Variants in COL2A1 observed in about 807,000 individuals in gnomAD.
COL2A1 encodes the protein collagen type II alpha 1 chain, also known as collagen alpha-1(II) chain.
A neutral mutation model predicts 204.5 loss-of-function variants in COL2A1; 28 were observed. That is an observed-to-expected ratio of 0.14 (90% CI 0.10 to 0.19). The LOEUF is 0.19. COL2A1 is among the 10% of genes least tolerant of loss of function. COL2A1 has a pLI of 1.00. For missense variants in COL2A1, 1,388 were observed against 2,027.5 expected (o/e 0.68, Z 6.06); for synonymous variants, 708 against 718.7 (o/e 0.99, Z 0.24).
chr12:47,997,317 C>T (rs1279574315), intron 7 of COL2A1, among the ~76,000 whole-genome samples: 1 of 152,242 alleles, frequency 6.6e-6, no homozygotes, highest in Admixed American at 6.5e-5. Flanking sequence ...CCTCCTATCC[C>T]TTACACCCAC....
intron 35 of COL2A1, 95 bp from the exon 36 acceptor site, chr12:47,981,924 G>T (rs41263859): frequency 2.9e-6 from 4 of 1,356,996 alleles, no homozygotes; most frequent in Non-Finnish European, 4.2e-6. Context: ...TGCTCCCACC[G>T]CCTCCAGAGC....
In COL2A1 at chr12:47,987,129, G is replaced by A. The variant is rs1793934; in HGVS notation, c.1314C>T (p.Gly438=). Residue 438 remains glycine, a synonymous_variant, in exon 21 of 54, where the codon GGC becomes GGT. Coordinates refer to ENST00000380518, the MANE Select transcript of COL2A1 (RefSeq NM_001844.5). The surrounding 1 kb of genome is among the most constrained non-coding windows in gnomAD (Gnocchi z 4.1). ...CAGTTGCACCTTGAGGGCCAGGAGGGCCCCGTGGCCCAGGGAAGCCAGGAG... is the reference window on the plus strand; with the variant it reads ...CAGTTGCACCTTGAGGGCCAGGAGGACCCCGTGGCCCAGGGAAGCCAGGAG... ...AGAPGFPGPR[G]PPGPQGATGP... is the part of the protein sequence containing the mutation. 4.3e-6 allele frequency: 7 copies of A among 1,614,002 alleles called. No individual in the cohort carries two copies. The African/African-American group carries it at 8.0e-5, about 18-fold the overall frequency.
intron 15 of COL2A1, 114 bp downstream of exon 15, chr12:47,993,344 A>G (rs1939794961): frequency 3.4e-6 from 3 of 886,936 alleles, no homozygotes; most frequent in Admixed American, 1.8e-5. Flanking sequence ...TTTGCTCACA[A>G]TCAGATGAAA....
At chr12:47,984,851 AC>A (rs1565680889) in intron 27 of COL2A1, 143 bp downstream of exon 27, 1 of 797,692 alleles carries the variant, frequency 1.3e-6, no homozygotes, top group Non-Finnish European at 2.1e-6. Flanking sequence ...TCACATACAG[AC>A]CCCCACTGCC....
Position 47,994,113 on chromosome 12 carries a change from G to T in COL2A1, c.817-66C>A, listed in dbSNP as rs985384586. The stretch of plus-strand genomic sequence containing the variant: ...TAACAGTGGAAAGCTGCCCTGGGCT[G>T]CAGGAGGGCCTCCAGTTCCCTTGGG... On this transcript the variant is annotated intron_variant, in intron 12 of 53. Coordinates refer to ENST00000380518, the MANE Select transcript of COL2A1 (RefSeq NM_001844.5). The T allele has an allele frequency of 1.9e-6, 3 of 1,568,918 alleles. No homozygotes were observed. In the Admixed American group the frequency reaches 5.0e-5, roughly 26 times the overall value.
upstream of COL2A1, chr12:48,005,697 C>A (rs1940441805): frequency 6.6e-6 from 1 of 152,306 alleles, no homozygotes; most frequent in African/African-American, 2.4e-5. Context: ...CCCAAACAGA[C>A]CTTCCTTTTG....
At chr12:47,981,525 T>TA (rs748299726) in intron 36 of COL2A1, 129 bp from the exon 37 acceptor site, 67 of 936,754 alleles carry the variant, frequency 7.2e-5, no homozygotes, top group Non-Finnish European at 1.1e-4. Context: ...CAGCCTGTGT[T>TA]ACTGTGCAGC....
At position 47,985,761 on chromosome 12, in the gene COL2A1, G is replaced by T. The variant is rs1283183060; in HGVS notation, c.1647C>A (p.Gly549=). 1 of 1,613,812 alleles carries T rather than the reference G, an allele frequency of 6.2e-7. No homozygotes were observed. The highest frequency in any genetic ancestry group is 8.5e-7 in the Non-Finnish European group (1 of 1,179,926). ...AGPKGANGDP[G]RPGEPGLPGA... The stretch of plus-strand genomic sequence containing the variant: ...CAGGAAGGCCAGGTTCTCCAGGACG[G>T]CCAGGGTCACCGTTGGCTCCCTTGG... The change falls in exon 25 of 54, where the codon GGC becomes GGA. Residue 549 remains glycine, a synonymous_variant. Coordinates refer to ENST00000380518, the MANE Select transcript of COL2A1 (RefSeq NM_001844.5).
At chr12:47,983,044 C>T in intron 32 of COL2A1, 49 bp downstream of exon 32, 6 of 1,610,576 alleles carry the variant, frequency 3.7e-6, no homozygotes, top group Non-Finnish European at 5.1e-6. Flanking sequence ...AGCATAGGAC[C>T]CAGGGCAGGC....
intron 36 of COL2A1, 74 bp from the exon 37 acceptor site, chr12:47,981,470 TG>T (rs1565675936): frequency 5.1e-6 from 7 of 1,362,938 alleles, no homozygotes; most frequent in Non-Finnish European, 7.2e-6. Context: ...AAAGTGCATT[TG>T]GGGGGCCTTG....
chr12:47,983,880 C>A, intron 29 of COL2A1, 144 bp from the exon 30 acceptor site: 1 of 971,032 alleles, frequency 1.0e-6, no homozygotes, highest in Non-Finnish European at 1.6e-6. Flanking sequence ...TGCCTCCCTG[C>A]ACTCCCATCA....
intron 10 of COL2A1, 62 bp from the exon 11 acceptor site, chr12:47,995,370 C>T (rs919395040): frequency 1.4e-6 from 2 of 1,398,942 alleles, no homozygotes; most frequent in Non-Finnish European, 2.0e-6. Context: ...AAGCAATGGA[C>T]AAAACTTTGA....
upstream of COL2A1, among the ~76,000 whole-genome samples, chr12:48,004,832 G>A (rs1235612464): frequency 1.3e-5 from 2 of 152,248 alleles, no homozygotes; most frequent in African/African-American, 4.8e-5. Flanking sequence ...GGAGGGGAGG[G>A]GGTGTTTGCA....
At chr12:47,989,830 T>A (rs1158334243) in intron 16 of COL2A1, 25 bp from the exon 17 acceptor site, 3 of 1,611,688 alleles carry the variant, frequency 1.9e-6, no homozygotes, top group Non-Finnish European at 1.7e-6. Flanking sequence ...GAAGTGACCA[T>A]GAGAGGTGCC....
intron 50 of COL2A1, among the ~76,000 whole-genome samples, 157 bp downstream of exon 50, chr12:47,975,806 C>T (rs1938679018): frequency 6.6e-6 from 1 of 152,272 alleles, no homozygotes; most frequent in Non-Finnish European, 1.5e-5. Context: ...CAGCACTGAT[C>T]ATGGGCCCTG....
Position 47,976,939 on chromosome 12 carries a change from C to A in COL2A1, c.3328-20G>T, listed in dbSNP as rs73297150. On this transcript the variant is annotated intron_variant, in intron 47 of 53. Coordinates refer to ENST00000380518, the MANE Select transcript of COL2A1 (RefSeq NM_001844.5). The surrounding 1 kb of genome is among the most constrained non-coding windows in gnomAD (Gnocchi z 4.3). ...AGGACCCTGGGAACAAGACAGACAC[C>A]GATTGAGTCAGGTCAGGGCCAGGAC... 6,893 of 1,585,824 alleles carry A rather than the reference C, an allele frequency of 4.3e-3. 285 individuals are homozygous for A. In the African/African-American group the frequency reaches 0.079, roughly 18 times the overall value.
chr12:47,987,307 G>T lies in COL2A1; in HGVS notation c.1228C>A (p.Pro410Thr), dbSNP rs759573039. 2 of 1,613,948 alleles carry T rather than the reference G, an allele frequency of 1.2e-6. No homozygotes were observed. Among genetic ancestry groups the T allele is most frequent in the Non-Finnish European group, 1.7e-6 (2 of 1,180,008 alleles). Reference protein sequence around the residue: ...SPGPAGASGNPGTDGIPGAKG... With the variant: ...SPGPAGASGNTGTDGIPGAKG... Reference sequence around the variant, plus strand: ...GCTCCAGGAATTCCATCTGTTCCAGGGTTACCCTGAAAAGGGAGACATTGT... The same window carrying T: ...GCTCCAGGAATTCCATCTGTTCCAGTGTTACCCTGAAAAGGGAGACATTGT... Residue 410 changes from proline to threonine, a missense_variant, in exon 20 of 54, where the codon CCT (proline) becomes ACT (threonine). Transcript: ENST00000380518. This position sits in a 1 kb window ranked among gnomAD's most constrained non-coding sequence, Gnocchi z 4.1.
intron 14 of COL2A1, 109 bp downstream of exon 14, chr12:47,993,700 T>C: frequency 7.5e-7 from 1 of 1,332,458 alleles, no homozygotes; most frequent in Non-Finnish European, 1.1e-6. Context: ...CAGCCAAGGC[T>C]GTTCTGAGGA....
chr12:47,986,410 C>G lies in COL2A1; in HGVS notation c.1453G>C (p.Ala485Pro). The change falls in exon 23 of 54, where the codon GCT (alanine) becomes CCT (proline). Residue 485 changes from alanine (A) to proline (P), a missense_variant. Physicochemically the swap from Ala to Pro is conservative, Grantham distance 27 (BLOSUM62 -1). Transcript: ENST00000380518. ...GCACCTCTCTTGCCTTCTTCACCAG[C>G]GGGTCCAGGGGCTCCCTGGGGGCCA... The part of the protein sequence containing the change: ...PAGPQGAPGP[A>P]GEEGKRGARG... 6.4e-7 allele frequency: 1 copy of G among 1,563,044 alleles called. No homozygotes were observed. The highest frequency in any genetic ancestry group is 1.2e-5 in the South Asian group (1 of 84,922).
Sources: gnomAD v4.1 joint callset for allele counts (sites outside exome capture counted in the v4.1 genomes callset) on GRCh38, gnomAD v4.1.1 for gene constraint, Gnocchi (gnomAD v3.1) non-coding constraint, MANE v1.5 for transcripts, NCBI Gene and HGNC (gene_info 2026-07-23, HGNC 2026-07-21) for gene names.